SYT1: variants seen among roughly 807,000 people sequenced by gnomAD.
The protein encoded by SYT1 is synaptotagmin-1.
A neutral mutation model predicts 44.8 loss-of-function variants in SYT1; 8 were observed. The observed-to-expected ratio is 0.18, with a 90% CI of 0.10 to 0.32. The LOEUF is 0.32. Ranked by LOEUF, SYT1 falls within the 10% of genes least tolerant of loss-of-function variation. The pLI is 1.00. For missense variants in SYT1, 286 were observed against 509.3 expected (o/e 0.56, Z 4.22); for synonymous variants, 154 against 188.8 (o/e 0.82, Z 1.51).
chr12:79,283,592 GAATGCTGTCTTTCCCGC>G (rs1199862426), intron 4 of SYT1, among the ~76,000 whole-genome samples: 1 of 152,124 alleles, frequency 6.6e-6, no homozygotes. Flanking sequence ...GGGTCATTAT[GAATGCTGTCTTTCCCGC>G]AATGAATACA....
intron 3 of SYT1, among the ~76,000 whole-genome samples, chr12:79,122,856 A>G (rs1034657882): frequency 1.3e-5 from 2 of 152,184 alleles, no homozygotes; most frequent in Non-Finnish European, 2.9e-5. Context: ...CCAAGTTATA[A>G]TTCTAACTGT....
intron 3 of SYT1, among the ~76,000 whole-genome samples, chr12:79,122,788 T>A (rs1275002296): frequency 6.6e-6 from 1 of 152,156 alleles, no homozygotes; most frequent in African/African-American, 2.4e-5. Context: ...TAGTAAATAA[T>A]AAATTCTCAG....
At chr12:79,346,861 G>A (rs919392762) in intron 8 of SYT1, among the ~76,000 whole-genome samples, 1 of 152,154 alleles carries the variant, frequency 6.6e-6, no homozygotes, top group African/African-American at 2.4e-5. Flanking sequence ...GCATAGAAAA[G>A]TAGTATATAG....
intron 3 of SYT1, among the ~76,000 whole-genome samples, chr12:79,076,553 T>C (rs1436931413): frequency 6.6e-6 from 1 of 152,152 alleles, no homozygotes; most frequent in African/African-American, 2.4e-5. Flanking sequence ...CCAAATCAGG[T>C]GAAATGCAAT....
intron 1 of SYT1, among the ~76,000 whole-genome samples, chr12:78,871,922 G>A (rs989386924): frequency 5.3e-5 from 8 of 151,260 alleles, no homozygotes; most frequent in Non-Finnish European, 8.9e-5. Flanking sequence ...TTCAGAATCC[G>A]AGGCCACAAG....
intron 2 of SYT1, among the ~76,000 whole-genome samples, chr12:78,997,898 C>A (rs900890141): frequency 1.3e-5 from 2 of 152,178 alleles, no homozygotes; most frequent in Admixed American, 6.5e-5. Flanking sequence ...GTCACCCCAT[C>A]TTTCTCTTAG....
At chr12:79,041,100 A>G (rs933181076) in intron 2 of SYT1, among the ~76,000 whole-genome samples, 1 of 152,016 alleles carries the variant, frequency 6.6e-6, no homozygotes, top group Non-Finnish European at 1.5e-5. Context: ...TTGACTTGGC[A>G]ATGCGGGCTC....
chr12:78,988,139 TCA>T (rs1371720677), intron 2 of SYT1, among the ~76,000 whole-genome samples: 4 of 151,968 alleles, frequency 2.6e-5, no homozygotes, highest in African/African-American at 9.7e-5. Context: ...ATTTTTTTTT[TCA>T]AAATGTACAA....
chr12:79,174,126 T>C (rs1020682536), intron 3 of SYT1, among the ~76,000 whole-genome samples: 5 of 152,034 alleles, frequency 3.3e-5, no homozygotes, highest in African/African-American at 1.2e-4. Flanking sequence ...ACTATAATTA[T>C]GAAAATCATT....
chr12:79,124,121 C>A (rs545572472), intron 3 of SYT1, among the ~76,000 whole-genome samples: 5 of 152,280 alleles, frequency 3.3e-5, no homozygotes, highest in African/African-American at 1.2e-4. Context: ...AAACCTCTTG[C>A]AAATAGCTGA....
chr12:79,249,015 T>C (rs988483089), intron 4 of SYT1, among the ~76,000 whole-genome samples: 1 of 151,604 alleles, frequency 6.6e-6, no homozygotes, highest in Non-Finnish European at 1.5e-5. Flanking sequence ...CTCCCAGGCA[T>C]ATGGCTATTC....
chr12:78,880,318 C>A (rs1874383549), intron 1 of SYT1, among the ~76,000 whole-genome samples: 1 of 151,618 alleles, frequency 6.6e-6, no homozygotes, highest in South Asian at 2.1e-4. Flanking sequence ...TTCTTCAAAC[C>A]TTTTGTGTGT....
chr12:78,985,149 T>C (rs998014129), intron 2 of SYT1, among the ~76,000 whole-genome samples: 1 of 151,964 alleles, frequency 6.6e-6, no homozygotes, highest in African/African-American at 2.4e-5. Context: ...TGATTTTTTT[T>C]AAAAGACAGC....
intron 3 of SYT1, among the ~76,000 whole-genome samples, chr12:79,179,354 CGATAT>C (rs373019081): frequency 3.8e-4 from 23 of 61,056 alleles, no homozygotes; most frequent in East Asian, 1.1e-3. Context: ...ATGTCTATAT[CGATAT>C]AGATATAGAT....
At chr12:78,971,155 C>T (rs899684212) in intron 1 of SYT1, among the ~76,000 whole-genome samples, 1 of 152,092 alleles carries the variant, frequency 6.6e-6, no homozygotes, top group Non-Finnish European at 1.5e-5. Flanking sequence ...CAGAGTGAGA[C>T]TATGTCACTG....
chr12:79,247,468 G>A (rs1876919915), intron 4 of SYT1, among the ~76,000 whole-genome samples: 2 of 152,064 alleles, frequency 1.3e-5, no homozygotes, highest in African/African-American at 4.8e-5. Flanking sequence ...AGTAACACAA[G>A]CAAAGTCAGT....
intron 3 of SYT1, among the ~76,000 whole-genome samples, chr12:79,177,867 G>A (rs1311916558): frequency 1.1e-5 from 1 of 87,328 alleles, no homozygotes; most frequent in South Asian, 2.9e-4. Context: ...GTCTGTTCAT[G>A]TCCTTCGCCC....
At chr12:79,006,752 A>G (rs1409898073) in intron 2 of SYT1, among the ~76,000 whole-genome samples, 3 of 152,074 alleles carry the variant, frequency 2.0e-5, no homozygotes, top group Non-Finnish European at 4.4e-5. Flanking sequence ...GCAATGGGGG[A>G]AAAGGGGAGG....
At chr12:79,207,715 G>T (rs1395389831) in intron 3 of SYT1, among the ~76,000 whole-genome samples, 1 of 152,166 alleles carries the variant, frequency 6.6e-6, no homozygotes, top group Non-Finnish European at 1.5e-5. Flanking sequence ...TTTGACACAG[G>T]ATGTTATTAT....
Sources: gnomAD v4.1 joint callset for allele counts (sites outside exome capture counted in the v4.1 genomes callset) on GRCh38, gnomAD v4.1.1 for gene constraint, MANE v1.5 for transcripts, NCBI Gene and HGNC (gene_info 2026-07-23, HGNC 2026-07-21) for gene names.